TM9SF2: variants seen among roughly 807,000 people sequenced by gnomAD.
The protein encoded by TM9SF2 is 76 kDa membrane protein.
Under a neutral mutation model 84.9 loss-of-function variants are expected in TM9SF2, and 13 were observed. That is an observed-to-expected ratio of 0.15 (90% CI 0.10 to 0.24). The LOEUF (loss-of-function observed/expected upper bound fraction) is 0.24, where lower values mean the gene tolerates loss of function less well. Among genes scored for constraint, TM9SF2 ranks in the 10% least tolerant of loss-of-function variants. The probability of loss-of-function intolerance (pLI) is 1.00; values close to 1 mark genes in which losing one functional copy is unlikely to be tolerated. For synonymous variants in TM9SF2, 273 were observed against 285.8 expected, an observed-to-expected ratio of 0.96 and a Z score of 0.45; for missense variants, 562 against 818.5, an observed-to-expected ratio of 0.69 and a Z score of 3.82.
At position 99,533,154 on chromosome 13, in the gene TM9SF2, A is replaced by G. The variant is rs2046218160; in HGVS notation, c.462-3454A>G. Among the ~76,000 whole-genome samples, 3 of 152,236 alleles carry G rather than the reference A, an allele frequency of 2.0e-5. No homozygotes were observed. In the South Asian group the frequency reaches 6.2e-4, roughly 31 times the overall value. On this transcript the variant is annotated intron_variant, in intron 4 of 16. Coordinates refer to ENST00000376387, the MANE Select transcript of TM9SF2 (RefSeq NM_004800.3). Reference sequence around the variant, plus strand: ...ATTCTGTTAGGGAGTTTGTGAATATAGCACATTTTATTTTATACTTTGCAC... The same window carrying G: ...ATTCTGTTAGGGAGTTTGTGAATATGGCACATTTTATTTTATACTTTGCAC...
At chr13:99,543,284 C>T (rs1488829106) in intron 9 of TM9SF2, among the ~76,000 whole-genome samples, 4 of 152,196 alleles carry the variant, frequency 2.6e-5, no homozygotes, top group Non-Finnish European at 5.9e-5. Context: ...ATCTAATGTA[C>T]AGTATACTTT....
intron 9 of TM9SF2, among the ~76,000 whole-genome samples, chr13:99,543,527 T>C (rs1464106127): frequency 1.3e-5 from 2 of 152,196 alleles, no homozygotes; most frequent in Admixed American, 6.5e-5. Context: ...ATGAAGAGGA[T>C]AGAATGTGAC....
intron 1 of TM9SF2, among the ~76,000 whole-genome samples, chr13:99,509,780 G>T (rs1018668209): frequency 6.6e-6 from 1 of 152,166 alleles, no homozygotes; most frequent in Non-Finnish European, 1.5e-5. Flanking sequence ...TTAGCACTTG[G>T]CTCCCTTTTA....
At chr13:99,552,964 T>TGAAATAAATTGTATCTGCTG (rs1292720894) in intron 13 of TM9SF2, among the ~76,000 whole-genome samples, 1 of 152,184 alleles carries the variant, frequency 6.6e-6, no homozygotes, top group Non-Finnish European at 1.5e-5. Flanking sequence ...TATGTAGCTT[T>TGAAATAAATTGTATCTGCTG]GAAATAAATT....
chr13:99,538,896 C>G (rs1365262970), intron 6 of TM9SF2, among the ~76,000 whole-genome samples: 4 of 151,536 alleles, frequency 2.6e-5, no homozygotes, highest in Middle Eastern at 3.4e-3. Context: ...AAGACCTTGT[C>G]TCAAAAACAA....
intron 10 of TM9SF2, among the ~76,000 whole-genome samples, chr13:99,545,459 G>A (rs149165249): frequency 1.1e-3 from 164 of 152,248 alleles, no homozygotes; most frequent in African/African-American, 3.8e-3. Flanking sequence ...AGGAAAAGGT[G>A]TCATAAAAAA....
chr13:99,560,593 G>A (rs998836985), intron 16 of TM9SF2, among the ~76,000 whole-genome samples: 11 of 152,156 alleles, frequency 7.2e-5, no homozygotes, highest in African/African-American at 2.7e-4. Context: ...AAAAAATAAC[G>A]ATCATTGTGA....
intron 16 of TM9SF2, among the ~76,000 whole-genome samples, chr13:99,560,029 T>C (rs527879931): frequency 6.6e-6 from 1 of 152,248 alleles, no homozygotes; most frequent in East Asian, 1.9e-4. Flanking sequence ...GGATATAGTG[T>C]GTATTTTATT....
Position 99,501,533 on chromosome 13 carries a change from G to A in TM9SF2, c.-74G>A. On this transcript the variant is annotated 5_prime_UTR_variant, in exon 1 of 17. Coordinates refer to ENST00000376387, the MANE Select transcript of TM9SF2 (RefSeq NM_004800.3). Reference sequence around the variant, plus strand: ...CTTTATCTCTGGCGGCCTTGTAGTCGTCTCCGAGACTCCCCACCCCTCCTT... The same window carrying A: ...CTTTATCTCTGGCGGCCTTGTAGTCATCTCCGAGACTCCCCACCCCTCCTT... 6.5e-7 allele frequency: 1 copy of A among 1,540,804 alleles called. No individual in the cohort carries two copies. Among genetic ancestry groups the A allele is most frequent in the East Asian group, 2.3e-5 (1 of 42,852 alleles).
At chr13:99,548,528 T>C (rs928177818) in intron 11 of TM9SF2, among the ~76,000 whole-genome samples, 1 of 152,190 alleles carries the variant, frequency 6.6e-6, no homozygotes, top group African/African-American at 2.4e-5. Context: ...GACGTGTACT[T>C]TCATTTTTCA....
intron 4 of TM9SF2, among the ~76,000 whole-genome samples, chr13:99,530,907 C>G (rs1279826187): frequency 1.3e-5 from 2 of 151,530 alleles, no homozygotes; most frequent in East Asian, 3.9e-4. Flanking sequence ...GTTCCCCAGA[C>G]TGGAGTGCTG....
Position 99,529,532 on chromosome 13 carries a change from T to A in TM9SF2, c.399T>A (p.Ala133=). 1.3e-6 allele frequency: 2 copies of A among 1,594,568 alleles called. No homozygotes were observed. Among genetic ancestry groups the A allele is most frequent in the Middle Eastern group, 1.7e-4 (1 of 6,010 alleles). The part of the protein sequence containing the change: ...VCTKTYHTEK[A]EDKQKLEFLK... ...CAAAAACATACCATACAGAGAAAGC[T>A]GAAGACAAACAAAAGTTAGAATTCT... The change falls in exon 4 of 17, where the codon GCT becomes GCA. Residue 133 remains alanine, a synonymous_variant. Coordinates refer to ENST00000376387, the MANE Select transcript of TM9SF2 (RefSeq NM_004800.3).
intron 3 of TM9SF2, among the ~76,000 whole-genome samples, chr13:99,520,823 G>C (rs1482006733): frequency 6.6e-6 from 1 of 152,178 alleles, no homozygotes; most frequent in African/African-American, 2.4e-5. Context: ...GCCCGCCTCG[G>C]CCTCCCAAAG....
At chr13:99,508,404 A>AACACGCACACAC (rs1555339317) in intron 1 of TM9SF2, among the ~76,000 whole-genome samples, 1 of 134,414 alleles carries the variant, frequency 7.4e-6, no homozygotes, top group Non-Finnish European at 1.6e-5. Flanking sequence ...AGGCAAACAA[A>AACACGCACACAC]ACACACACAC....
intron 2 of TM9SF2, chr13:99,519,550 C>G (rs773932115): frequency 1.9e-5 from 3 of 154,238 alleles, no homozygotes; most frequent in Non-Finnish European, 4.3e-5. Flanking sequence ...CTCCACAGCA[C>G]TCTTCACAGA....
intron 12 of TM9SF2, among the ~76,000 whole-genome samples, chr13:99,551,961 T>G (rs2046307105): frequency 6.6e-6 from 1 of 152,232 alleles, no homozygotes; most frequent in African/African-American, 2.4e-5. Flanking sequence ...CATAGGCTGC[T>G]GGGAGGAGTT....
At chr13:99,548,160 T>C (rs2046291472) in intron 11 of TM9SF2, among the ~76,000 whole-genome samples, 1 of 152,104 alleles carries the variant, frequency 6.6e-6, no homozygotes, top group Non-Finnish European at 1.5e-5. Context: ...CACACAGGCT[T>C]TCTGTCGGTT....
intron 1 of TM9SF2, among the ~76,000 whole-genome samples, chr13:99,508,445 C>CACACACACACA (rs1566562106): frequency 7.5e-4 from 75 of 99,666 alleles, no homozygotes; most frequent in African/African-American, 3.1e-3. Context: ...ACACACACAC[C>CACACACACACA]CCAGAGATTC....
intron 16 of TM9SF2, 74 bp from the exon 17 acceptor site, chr13:99,562,617 T>G (rs531663858): frequency 2.1e-5 from 31 of 1,446,500 alleles, no homozygotes; most frequent in East Asian, 9.1e-5. Flanking sequence ...AACCAGTCAT[T>G]GTAAGTCTGT....
Sources: allele counts gnomAD v4.1 joint callset (sites outside exome capture counted in the v4.1 genomes callset), GRCh38; gene constraint gnomAD v4.1.1; transcripts MANE v1.5; gene names NCBI Gene and HGNC (gene_info 2026-07-23, HGNC 2026-07-21).